SLC5A4: variants seen among roughly 807,000 people sequenced by gnomAD.
The protein encoded by SLC5A4 is probable glucose sensor protein SLC5A4.
In SLC5A4, 55 loss-of-function variants were observed where a neutral mutation model predicts 70.3. That is an observed-to-expected ratio of 0.78 (90% CI 0.63 to 0.98). The LOEUF is 0.98. Ranked by LOEUF, SLC5A4 falls within the 50% of genes least tolerant of loss-of-function variation. SLC5A4 has a pLI of 0.00. For missense variants in SLC5A4, 735 were observed against 839.2 expected (o/e 0.88, Z 1.53); for synonymous variants, 268 against 305.7 (o/e 0.88, Z 1.29).
At chr22:32,336,436 A>G in the SLC5A4 span, among the ~76,000 whole-genome samples, 4 of 152,202 alleles carry the variant, frequency 2.6e-5, no homozygotes, top group East Asian at 7.7e-4. Context: ...ATTCCAAACT[A>G]AAGATTCCAA....
At chr22:32,264,619 T>G in the SLC5A4 span, among the ~76,000 whole-genome samples, 2 of 152,106 alleles carry the variant, frequency 1.3e-5, no homozygotes, top group African/African-American at 4.8e-5. Context: ...AGACATCTAT[T>G]AATCAGACCA....
chr22:32,255,339 C>G lies in SLC5A4; in HGVS notation c.-10G>C, dbSNP rs2145710327. The G allele has an allele frequency of 6.2e-7, 1 of 1,613,896 alleles. No homozygotes were observed. Among genetic ancestry groups the G allele is most frequent in the African/African-American group, 1.3e-5 (1 of 75,052 alleles). On this transcript the variant is annotated 5_prime_UTR_variant, in exon 1 of 15. Coordinates refer to ENST00000266086, the MANE Select transcript of SLC5A4 (RefSeq NM_014227.3). The stretch of plus-strand genomic sequence containing the variant: ...TAACCGTACTGGCCATGGCTGCAGG[C>G]AGTGCTATACCCATTCCACGCATGA...
chr22:32,281,897 G>A, the SLC5A4 span, among the ~76,000 whole-genome samples: 2 of 152,178 alleles, frequency 1.3e-5, no homozygotes, highest in Non-Finnish European at 2.9e-5. Context: ...AGGCTGGAGC[G>A]CAGTGGCACG....
At chr22:32,306,465 C>CAA in the SLC5A4 span, among the ~76,000 whole-genome samples, 441 of 135,738 alleles carry the variant, frequency 3.2e-3, 2 homozygotes, top group African/African-American at 6.7e-3. Context: ...GACTCGGTCT[C>CAA]AAAAAAAAAA....
the SLC5A4 span, chr22:32,271,538 A>T: frequency 1.4e-6 from 1 of 707,874 alleles, no homozygotes. Flanking sequence ...CCAAGAAGAA[A>T]GCAGGTGGCC....
At chr22:32,350,483 T>C in the SLC5A4 span, among the ~76,000 whole-genome samples, 19 of 152,206 alleles carry the variant, frequency 1.2e-4, no homozygotes, top group African/African-American at 3.6e-4. Flanking sequence ...CTGAATTTGT[T>C]GGCTTCTACC....
chr22:32,319,997 AT>A, the SLC5A4 span, among the ~76,000 whole-genome samples: 6 of 152,150 alleles, frequency 3.9e-5, no homozygotes, highest in African/African-American at 7.2e-5. Context: ...CCTCCAAGAA[AT>A]GGATCAATTT....
At chr22:32,282,537 TC>T in the SLC5A4 span, among the ~76,000 whole-genome samples, 1 of 152,212 alleles carries the variant, frequency 6.6e-6, no homozygotes, top group South Asian at 2.1e-4. Context: ...TTTATTACCC[TC>T]TCATTCCCTT....
chr22:32,244,425 C>A (rs1228682678), intron 5 of SLC5A4, among the ~76,000 whole-genome samples: 1 of 152,170 alleles, frequency 6.6e-6, no homozygotes, highest in Non-Finnish European at 1.5e-5. Flanking sequence ...CATATTAAAA[C>A]ACACTATCTT....
chr22:32,330,995 GGTGTGTGTGTTGGGGGCTCTGGT>G, the SLC5A4 span, among the ~76,000 whole-genome samples: 11 of 34,498 alleles, frequency 3.2e-4, no homozygotes, highest in Admixed American at 3.5e-4. Flanking sequence ...TGGGGGCTCT[GGTGTGTGTGTTGGGGGCTCTGGT>G]GTGTGTGTGT....
the SLC5A4 span, among the ~76,000 whole-genome samples, chr22:32,306,678 T>C: frequency 2.6e-5 from 4 of 152,160 alleles, no homozygotes; most frequent in Non-Finnish European, 4.4e-5. Flanking sequence ...TGTATGCCCT[T>C]GTCTGGCTGG....
intron 5 of SLC5A4, among the ~76,000 whole-genome samples, chr22:32,239,832 G>A (rs545314597): frequency 6.7e-6 from 1 of 148,542 alleles, no homozygotes; most frequent in African/African-American, 2.5e-5. Flanking sequence ...AGACCATCCT[G>A]GCTAACACAG....
chr22:32,271,679 C>T, the SLC5A4 span: 1 of 586,436 alleles, frequency 1.7e-6, no homozygotes, highest in South Asian at 1.7e-5. Context: ...CTGAGGGGTG[C>T]TGCGGCTGCA....
At chr22:32,254,783 G>A (rs921692283) in intron 1 of SLC5A4, among the ~76,000 whole-genome samples, 1 of 149,888 alleles carries the variant, frequency 6.7e-6, no homozygotes, top group South Asian at 2.1e-4. Flanking sequence ...CAGCCTGGAC[G>A]ACAGAGCAAG....
At chr22:32,353,494 G>A in the SLC5A4 span, among the ~76,000 whole-genome samples, 5 of 152,080 alleles carry the variant, frequency 3.3e-5, no homozygotes, top group East Asian at 1.9e-4. Flanking sequence ...TCCAGCAGGA[G>A]GAGATGGCCC....
chr22:32,302,625 T>C, the SLC5A4 span, among the ~76,000 whole-genome samples: 1 of 152,198 alleles, frequency 6.6e-6, no homozygotes, highest in Non-Finnish European at 1.5e-5. Context: ...CAAAAACCAA[T>C]TTGGCAAATA....
chr22:32,299,997 A>C, the SLC5A4 span, among the ~76,000 whole-genome samples: 1 of 133,294 alleles, frequency 7.5e-6, no homozygotes, highest in Non-Finnish European at 1.6e-5. Context: ...CCACTTGAGG[A>C]GGCAGTCTGC....
chr22:32,301,855 A>C, the SLC5A4 span, among the ~76,000 whole-genome samples: 72,390 of 149,498 alleles, frequency 0.48, 17,462 homozygotes, highest in Admixed American at 0.52. Flanking sequence ...AAAAAAAAAA[A>C]CCCTCACATT....
chr22:32,239,599 A>ATATATATATATAT (rs1926382146), intron 5 of SLC5A4, among the ~76,000 whole-genome samples: 1 of 54,562 alleles, frequency 1.8e-5, no homozygotes, highest in Non-Finnish European at 3.1e-5. Flanking sequence ...TATATAAATT[A>ATATATATATATAT]TATAAAATAT....
Sources: allele counts gnomAD v4.1 joint callset (sites outside exome capture counted in the v4.1 genomes callset), GRCh38; gene constraint gnomAD v4.1.1; transcripts MANE v1.5; gene names NCBI Gene and HGNC (gene_info 2026-07-23, HGNC 2026-07-21).